DBNDD1: variants seen among roughly 807,000 people sequenced by gnomAD.
DBNDD1 encodes dysbindin domain containing 1.
DBNDD1 carries 14 observed loss-of-function variants against 17.0 expected under a neutral mutation model. That is an observed-to-expected ratio of 0.82 (90% CI 0.54 to 1.29). The LOEUF (loss-of-function observed/expected upper bound fraction) is 1.29. DBNDD1 is among the 50% of genes most tolerant of loss of function. The pLI is 0.00. For missense variants in DBNDD1, 221 were observed against 216.2 expected (o/e 1.02, Z -0.14); for synonymous variants, 105 against 102.0 (o/e 1.03, Z -0.18).
At chr16:90,015,793 C>CTTCTTCGAAACCA (rs2035631347) in intron 1 of DBNDD1, among the ~76,000 whole-genome samples, 1 of 151,848 alleles carries the variant, frequency 6.6e-6, no homozygotes, top group Non-Finnish European at 1.5e-5. Context: ...TAGGAAATGT[C>CTTCTTCGAAACCA]CAGAATAGGC....
chr16:90,010,573 C>A (rs1597580287), intron 1 of DBNDD1, among the ~76,000 whole-genome samples: 1 of 150,986 alleles, frequency 6.6e-6, no homozygotes, highest in South Asian at 2.1e-4. Context: ...TCGTGATCCA[C>A]CCGCCTTGGC....
At chr16:90,015,706 A>G (rs190554543) in intron 1 of DBNDD1, among the ~76,000 whole-genome samples, 1 of 152,320 alleles carries the variant, frequency 6.6e-6, no homozygotes, top group Admixed American at 6.5e-5. Context: ...ACCGGATATC[A>G]CATGCATGAG....
At chr16:90,014,159 G>A (rs1433125918) in intron 1 of DBNDD1, among the ~76,000 whole-genome samples, 3 of 150,668 alleles carry the variant, frequency 2.0e-5, no homozygotes, top group East Asian at 3.9e-4. Flanking sequence ...ATGGAGTCTC[G>A]CTCTGTCACC....
chr16:90,017,191 A>C (rs2035654268), intron 1 of DBNDD1, among the ~76,000 whole-genome samples: 1 of 152,254 alleles, frequency 6.6e-6, no homozygotes, highest in African/African-American at 2.4e-5. Context: ...GTGTTTTAAT[A>C]ATGCTTTATA....
chr16:90,019,385 G>C lies in DBNDD1; in HGVS notation c.-44C>G. The C allele has an allele frequency of 8.5e-7, 1 of 1,183,088 alleles. No homozygotes were observed. Among genetic ancestry groups the C allele is most frequent in the Non-Finnish European group, 1.0e-6 (1 of 954,158 alleles). 73.3% of individuals were successfully genotyped at this position (1,183,088 alleles called of 1,614,324 possible). On this transcript the variant is annotated 5_prime_UTR_variant, in exon 1 of 4. Coordinates refer to ENST00000002501, the MANE Select transcript of DBNDD1 (RefSeq NM_001042610.3). The surrounding 1 kb of genome is among the most constrained non-coding windows in gnomAD (Gnocchi z 6.1). ...GAGGGGCACGGGCGACGGCGGCGTC[G>C]CCTGGCCCGGGCGCCCCAACAGCTG...
At position 90,008,854 on chromosome 16, in the gene DBNDD1, C is replaced by T. The variant is rs775055567; in HGVS notation, c.249G>A (p.Met83Ile). ...AGACCTCGGCCAGCTCCTGGTCCGA[C>T]ATGTCGGTGAGCTCAGTGAGGTCCA... The part of the protein sequence containing the change: ...DLLDLTELTD[M>I]SDQELAEVFA... Residue 83 changes from methionine (M) to isoleucine (I), a missense_variant, in exon 3 of 4, where the codon ATG (methionine) becomes ATA (isoleucine). Coordinates refer to ENST00000002501, the MANE Select transcript of DBNDD1 (RefSeq NM_001042610.3). 1.9e-6 allele frequency: 3 copies of T among 1,603,598 alleles called. No individual in the cohort carries two copies. The Admixed American group carries it at 5.0e-5, about 27-fold the overall frequency.
chr16:90,011,220 A>AG (rs1197439002), intron 1 of DBNDD1, among the ~76,000 whole-genome samples: 3 of 152,078 alleles, frequency 2.0e-5, no homozygotes, highest in Non-Finnish European at 2.9e-5. Context: ...GCTCTTGCTG[A>AG]GGGGGCTGCA....
chr16:90,014,133 TTA>T (rs1475206548), intron 1 of DBNDD1, among the ~76,000 whole-genome samples: 20 of 148,278 alleles, frequency 1.3e-4, no homozygotes, highest in African/African-American at 4.5e-4. Flanking sequence ...ATTATTATTA[TTA>T]TTTTTTTTTT....
intron 1 of DBNDD1, 154 bp from the exon 2 acceptor site, chr16:90,009,584 G>T: frequency 8.5e-7 from 1 of 1,180,826 alleles, no homozygotes; most frequent in Non-Finnish European, 1.2e-6. Flanking sequence ...GTGGCCTCAT[G>T]CCTGGACCCA....
Position 90,009,354 on chromosome 16 carries a change from C to T in DBNDD1, c.108G>A (p.Thr36=), listed in dbSNP as rs546664496. 1.5e-5 allele frequency: 25 copies of T among 1,613,534 alleles called. No individual in the cohort carries two copies. The highest frequency in any genetic ancestry group is 4.5e-5 in the East Asian group (2 of 44,886). Reference sequence around the variant, plus strand: ...TGCCCCCGACCTCCTCCTCCACAGGCGTGTGGCCATTGTCCCCTGTCCCCT... The same window carrying T: ...TGCCCCCGACCTCCTCCTCCACAGGTGTGTGGCCATTGTCCCCTGTCCCCT... ...PAQGTGDNGH[T]PVEEEVGGIP... is the part of the protein sequence containing the mutation. Residue 36 remains threonine (T), a synonymous_variant, in exon 2 of 4, where the codon ACG becomes ACA. Coordinates refer to ENST00000002501, the MANE Select transcript of DBNDD1 (RefSeq NM_001042610.3).
chr16:90,008,959 C>A, intron 2 of DBNDD1, 35 bp from the exon 3 acceptor site: 1 of 1,519,714 alleles, frequency 6.6e-7, no homozygotes. Flanking sequence ...GCCCTCAGGC[C>A]CTCCCACAAG....
In DBNDD1 at chr16:90,009,313, G is replaced by GGTGC; in HGVS notation, c.145_148dup (p.Pro50ArgfsTer31). ...CCTCTCCGTGACCTGCAGGAGCCCC[G>GGTGC]GTGCTGGTACTGGGATGCCCCCGAC... On this transcript the variant is annotated frameshift_variant, in exon 2 of 4. Coordinates refer to ENST00000002501, the MANE Select transcript of DBNDD1 (RefSeq NM_001042610.3). LOFTEE classifies it high-confidence loss of function. 1 of 1,613,502 alleles carries GGTGC rather than the reference G, an allele frequency of 6.2e-7. No homozygotes were observed. Among genetic ancestry groups the GGTGC allele is most frequent in the South Asian group, 1.1e-5 (1 of 91,080 alleles).
In DBNDD1 at chr16:90,006,362, G is replaced by A. The variant is rs544220953; in HGVS notation, c.450C>T (p.Leu150=). The change falls in exon 4 of 4, where the codon CTC becomes CTT. Residue 150 remains leucine, a synonymous_variant. Coordinates refer to ENST00000002501, the MANE Select transcript of DBNDD1 (RefSeq NM_001042610.3). ...AGTCCTCCTGGGGCCTCTCCACAGT[G>A]AGAAACGTGTCCAGGACTGTGGCCT... ...ERQATVLDTF[L]TVERPQED The A allele has an allele frequency of 5.0e-6, 8 of 1,609,394 alleles. No individual in the cohort carries two copies. The highest frequency in any genetic ancestry group is 1.3e-5 in the African/African-American group (1 of 75,042).
Position 90,019,125 on chromosome 16 carries a change from G to A in DBNDD1, c.31+186C>T, listed in dbSNP as rs1001577333. On this transcript the variant is annotated intron_variant, in intron 1 of 3. Transcript: ENST00000002501. This position sits in a 1 kb window ranked among gnomAD's most constrained non-coding sequence, Gnocchi z 6.1. ...GAACAAGGGGGCGGAGACTCGGTCC[G>A]TGTGCCCCCAGCCCCGCGCGGGGAC... is the stretch of plus-strand genomic sequence containing the variant. Among the ~76,000 whole-genome samples, 34 of 152,168 alleles carry A rather than the reference G, an allele frequency of 2.2e-4. No homozygotes were observed. The highest frequency in any genetic ancestry group is 7.7e-4 in the African/African-American group (32 of 41,458).
At position 90,019,092 on chromosome 16, in the gene DBNDD1, A is replaced by G. The variant is rs2035711663; in HGVS notation, c.31+219T>C. ...GCCGGGCACGGCTTCCCGGGCCGGG[A>G]GCGCAGAGAACAAGGGGGCGGAGAC... On this transcript the variant is annotated intron_variant, in intron 1 of 3. Coordinates refer to ENST00000002501, the MANE Select transcript of DBNDD1 (RefSeq NM_001042610.3). This position sits in a 1 kb window ranked among gnomAD's most constrained non-coding sequence, Gnocchi z 6.1. Among the ~76,000 whole-genome samples, 3 of 152,026 alleles carry G rather than the reference A, an allele frequency of 2.0e-5. No individual in the cohort carries two copies. The highest frequency in any genetic ancestry group is 7.2e-5 in the African/African-American group (3 of 41,386).
intron 3 of DBNDD1, chr16:90,007,839 CT>C (rs2035458723): frequency 6.5e-6 from 1 of 153,138 alleles, no homozygotes; most frequent in Non-Finnish European, 1.4e-5. Context: ...CTGAGGGATT[CT>C]TGCTAAAACA....
intron 1 of DBNDD1, among the ~76,000 whole-genome samples, chr16:90,018,845 G>C (rs1775202436): frequency 6.6e-6 from 1 of 152,210 alleles, no homozygotes; most frequent in African/African-American, 2.4e-5. Context: ...CTCGCCCCTG[G>C]CAGGATCCCT....
At chr16:90,011,385 G>T (rs564004292) in intron 1 of DBNDD1, among the ~76,000 whole-genome samples, 1 of 152,334 alleles carries the variant, frequency 6.6e-6, no homozygotes, top group East Asian at 1.9e-4. Flanking sequence ...GCTGAGGCCC[G>T]CAGGTGCCCG....
At position 90,006,479 on chromosome 16, in the gene DBNDD1, C is replaced by T; in HGVS notation, c.333G>A (p.Leu111=). 6.3e-7 allele frequency: 1 copy of T among 1,598,488 alleles called. No homozygotes were observed. The change falls in exon 4 of 4, where the codon CTG becomes CTA. Residue 111 remains leucine (L), a synonymous_variant. Coordinates refer to ENST00000002501, the MANE Select transcript of DBNDD1 (RefSeq NM_001042610.3). The part of the protein sequence containing the change: ...NTESPAGLHP[L]PRAGYLRSPS... ...GGGAGCGCAGGTAGCCGGCCCGGGG[C>T]AGCGGGTGCAGACCTAGGGGCATGC...
Sources: gnomAD v4.1 joint callset for allele counts (sites outside exome capture counted in the v4.1 genomes callset) on GRCh38, gnomAD v4.1.1 for gene constraint, Gnocchi (gnomAD v3.1) non-coding constraint, MANE v1.5 for transcripts, NCBI Gene and HGNC (gene_info 2026-07-23, HGNC 2026-07-21) for gene names.